TGFBR3: variants seen among roughly 807,000 people sequenced by gnomAD.
The protein encoded by TGFBR3 is transforming growth factor beta receptor type 3.
TGFBR3 carries 46 observed loss-of-function variants against 87.9 expected under a neutral mutation model. That is an observed-to-expected ratio of 0.52 (90% CI 0.41 to 0.67). The LOEUF (loss-of-function observed/expected upper bound fraction) is 0.67, where lower values mean the gene tolerates loss of function less well. Among genes scored for constraint, TGFBR3 ranks in the 30% least tolerant of loss-of-function variants. The pLI, the probability that TGFBR3 is intolerant of heterozygous loss-of-function variation, is 0.00. For synonymous variants in TGFBR3, 381 were observed against 391.6 expected (o/e 0.97, Z 0.32); for missense variants, 866 against 1,041.9 (o/e 0.83, Z 2.32).
chr1:91,886,903 T>C (rs1020387870), upstream of TGFBR3, among the ~76,000 whole-genome samples: 1 of 152,120 alleles, frequency 6.6e-6, no homozygotes, highest in Admixed American at 6.5e-5. Context: ...GGCAACGTCC[T>C]AAGTACCTGT....
chr1:91,765,101 T>C (rs1364686963), intron 3 of TGFBR3, among the ~76,000 whole-genome samples: 2 of 151,938 alleles, frequency 1.3e-5, no homozygotes, highest in Non-Finnish European at 2.9e-5. Flanking sequence ...TCATGTACTT[T>C]ATGTGTGGCC....
intron 14 of TGFBR3, 76 bp from the exon 15 acceptor site, chr1:91,698,206 A>G: frequency 8.2e-7 from 1 of 1,212,370 alleles, no homozygotes; most frequent in Non-Finnish European, 1.2e-6. Flanking sequence ...AAGTCTCAGC[A>G]GAAACTGACA....
At chr1:91,887,581 AAT>A (rs1355400571), upstream of TGFBR3, among the ~76,000 whole-genome samples, 1 of 152,026 alleles carries the variant, frequency 6.6e-6, no homozygotes, top group Non-Finnish European at 1.5e-5. Context: ...CTAGGCTTTT[AAT>A]ATGTTGGAGA....
chr1:91,864,043 C>G (rs1234017248), intron 1 of TGFBR3: 2 of 152,182 alleles, frequency 1.3e-5, no homozygotes, highest in African/African-American at 4.8e-5. Flanking sequence ...GGAAAAACCT[C>G]TCTGAAACAA....
At chr1:91,798,505 T>C (rs1476636601) in intron 2 of TGFBR3, among the ~76,000 whole-genome samples, 1 of 152,302 alleles carries the variant, frequency 6.6e-6, no homozygotes, top group East Asian at 1.9e-4. Flanking sequence ...TCAAGCCTGC[T>C]TCCTTTACCC....
chr1:91,750,237 G>A (rs1673489155), intron 4 of TGFBR3, among the ~76,000 whole-genome samples: 1 of 152,130 alleles, frequency 6.6e-6, no homozygotes, highest in Non-Finnish European at 1.5e-5. Context: ...AGGGGCCACG[G>A]GCCATTCACT....
chr1:91,694,570 T>C (rs1234723395), intron 16 of TGFBR3, among the ~76,000 whole-genome samples: 3 of 152,242 alleles, frequency 2.0e-5, no homozygotes, highest in African/African-American at 2.4e-5. Flanking sequence ...GCTTGACGTT[T>C]TGTCTAGCAA....
chr1:91,688,206 T>A (rs1671154342), intron 16 of TGFBR3, among the ~76,000 whole-genome samples: 1 of 152,230 alleles, frequency 6.6e-6, no homozygotes, highest in African/African-American at 2.4e-5. Context: ...CCTACTACTT[T>A]CTTTCTATAT....
chr1:91,716,337 C>T lies in TGFBR3; in HGVS notation c.1765G>A (p.Gly589Arg), dbSNP rs777102917. The T allele has an allele frequency of 9.9e-6, 16 of 1,614,044 alleles. No individual in the cohort carries two copies. Among genetic ancestry groups the T allele is most frequent in the African/African-American group, 6.7e-5 (5 of 74,920 alleles). The change falls in exon 12 of 17, where the codon GGA becomes AGA. Residue 589 changes from glycine to arginine, a missense_variant. Coordinates refer to ENST00000212355, the MANE Select transcript of TGFBR3 (RefSeq NM_003243.5). ...AGCTCCATGTTGAAGGTGATGTTTC[C>T]GTGGGGCTGTTCCTGGAAGCTGCTG... ...NPSSFQEQPH[G>R]NITFNMELYN...
chr1:91,821,842 T>C (rs760297654), intron 2 of TGFBR3, among the ~76,000 whole-genome samples: 4 of 152,244 alleles, frequency 2.6e-5, no homozygotes, highest in Admixed American at 6.5e-5. Flanking sequence ...CATGCAAATA[T>C]ACGATACATA....
intron 3 of TGFBR3, among the ~76,000 whole-genome samples, chr1:91,790,763 T>C (rs1675156874): frequency 6.6e-6 from 1 of 152,186 alleles, no homozygotes; most frequent in Non-Finnish European, 1.5e-5. Flanking sequence ...CATTTATGAA[T>C]AGCAGCAGGG....
Position 91,759,820 on chromosome 1 carries a change from G to A in TGFBR3, c.247-1070C>T, listed in dbSNP as rs143985876. On this transcript the variant is annotated intron_variant, in intron 3 of 16. Transcript: ENST00000212355. Reference sequence around the variant, plus strand: ...TGGGAATAATAGTACATCTCAGCTAGAATCCTCATGAGGATGACATGGTCT... The same window carrying A: ...TGGGAATAATAGTACATCTCAGCTAAAATCCTCATGAGGATGACATGGTCT... 5.6e-3 allele frequency among the ~76,000 whole-genome samples: 847 copies of A among 152,278 alleles called. 3 individuals carry two copies. The highest frequency in any genetic ancestry group is 8.0e-3 in the Non-Finnish European group (543 of 68,018).
chr1:91,822,312 A>ATT (rs1676479107), intron 2 of TGFBR3, among the ~76,000 whole-genome samples: 6 of 150,628 alleles, frequency 4.0e-5, no homozygotes, highest in South Asian at 4.2e-4. Flanking sequence ...AAAAAAAAAA[A>ATT]AAAAAAAAAA....
intron 3 of TGFBR3, among the ~76,000 whole-genome samples, chr1:91,785,125 CA>C (rs1674909391): frequency 1.3e-5 from 2 of 152,182 alleles, no homozygotes; most frequent in South Asian, 4.1e-4. Flanking sequence ...TATAGCCACA[CA>C]ATGAAAACTA....
At chr1:91,802,048 C>A (rs1675650100) in intron 2 of TGFBR3, among the ~76,000 whole-genome samples, 1 of 152,186 alleles carries the variant, frequency 6.6e-6, no homozygotes, top group Non-Finnish European at 1.5e-5. Context: ...GTAGAGTAGT[C>A]CTCTCCTAAG....
chr1:91,732,043 T>C lies in TGFBR3; in HGVS notation c.569-2070A>G, dbSNP rs142807311. On this transcript the variant is annotated intron_variant, in intron 5 of 16. Coordinates refer to ENST00000212355, the MANE Select transcript of TGFBR3 (RefSeq NM_003243.5). ...GAAACCACAAAGGGGAATTCCCGGG[T>C]AGAAACCTGGCAAGTTTGGGGGCAG... 3.2e-3 allele frequency among the ~76,000 whole-genome samples: 488 copies of C among 152,240 alleles called. 8 individuals are homozygous for C. The highest frequency in any genetic ancestry group is 0.02 in the Admixed American group (310 of 15,298).
intron 12 of TGFBR3, among the ~76,000 whole-genome samples, chr1:91,714,087 A>G (rs1373596523): frequency 1.3e-5 from 2 of 151,890 alleles, no homozygotes; most frequent in East Asian, 3.8e-4. Flanking sequence ...TTAGACCAGA[A>G]GTGAGTAGGA....
At position 91,774,793 on chromosome 1, in the gene TGFBR3, A is replaced by AT. The variant is rs201994086; in HGVS notation, c.247-16044dup. On this transcript the variant is annotated intron_variant, in intron 3 of 16. Coordinates refer to ENST00000212355, the MANE Select transcript of TGFBR3 (RefSeq NM_003243.5). Reference sequence around the variant, plus strand: ...TGAAATTCTCTCTTTCCCTCCTGACATTTTTTTTTCCAAGTACTTCACTGG... The same window carrying AT: ...TGAAATTCTCTCTTTCCCTCCTGACATTTTTTTTTTCCAAGTACTTCACTGG... Among the ~76,000 whole-genome samples, 263 of 151,674 alleles carry AT rather than the reference A, an allele frequency of 1.7e-3. 1 individual carries two copies. The highest frequency in any genetic ancestry group is 3.4e-3 in the Middle Eastern group (1 of 294).
Position 91,695,784 on chromosome 1 carries a change from A to C in TGFBR3, c.2330-5T>G. The C allele has an allele frequency of 2.5e-6, 4 of 1,613,416 alleles. No homozygotes were observed. The South Asian group carries it at 4.4e-5, about 18-fold the overall frequency. ...TGTCCAGACCATGGAAAATTGCTATAAAGGAGAGAAACCGATACACACAAC... is the reference window on the plus strand; with the variant it reads ...TGTCCAGACCATGGAAAATTGCTATCAAGGAGAGAAACCGATACACACAAC... On this transcript the variant is annotated splice_polypyrimidine_tract_variant and splice_region_variant and intron_variant, in intron 15 of 16. Transcript: ENST00000212355.
Sources: allele counts gnomAD v4.1 joint callset (sites outside exome capture counted in the v4.1 genomes callset), GRCh38; gene constraint gnomAD v4.1.1; transcripts MANE v1.5; gene names NCBI Gene and HGNC (gene_info 2026-07-23, HGNC 2026-07-21).